The following NUP50 variants were observed in gnomAD, a reference collection of about 807,000 sequenced individuals.
The protein encoded by NUP50 is nucleoporin 50, also known as nuclear pore complex protein Nup50.
A neutral mutation model predicts 36.8 loss-of-function variants in NUP50; 14 were observed. The ratio of observed to expected loss-of-function variants is 0.38; its 90% CI spans 0.25 to 0.59. The LOEUF (loss-of-function observed/expected upper bound fraction) is 0.59. Ranked by LOEUF, NUP50 falls within the 20% of genes least tolerant of loss-of-function variation. The pLI, the probability that NUP50 is intolerant of heterozygous loss-of-function variation, is 0.63. For missense variants in NUP50, 455 were observed against 564.6 expected (o/e 0.81, Z 1.97); for synonymous variants, 195 against 210.8 (o/e 0.93, Z 0.65).
rs2083451368 is a variant in NUP50 at position 45,186,725 on chromosome 22, T to G, written c.*2070T>G. On this transcript the variant is annotated 3_prime_UTR_variant, in exon 8 of 8. Transcript: ENST00000347635. The stretch of plus-strand genomic sequence containing the variant: ...CCCAGCAAATTTTTGCTGCTAAGAC[T>G]ATCACTGTTAAAGTGAAAATTACAG... The G allele has an allele frequency of 6.6e-6, 1 of 152,644 alleles. No individual in the cohort carries two copies. Among genetic ancestry groups the G allele is most frequent in the Admixed American group, 6.5e-5 (1 of 15,278 alleles). The allele number at this position is 152,644 out of a possible 1,614,324, so 9.5% of individuals were successfully genotyped here. A position where few individuals can be genotyped will look rare whatever the true frequency, so the allele number is the denominator to read the frequency against.
chr22:45,171,460 G>A, intron 2 of NUP50, 140 bp from the exon 3 acceptor site: 1 of 768,994 alleles, frequency 1.3e-6, no homozygotes, highest in South Asian at 1.7e-5. Context: ...AGTATTATAG[G>A]CGCAAGCCAT....
At chr22:45,183,722 A>G in intron 7 of NUP50, 1 of 496,244 alleles carries the variant, frequency 2.0e-6, no homozygotes, top group Non-Finnish European at 3.6e-6. Flanking sequence ...TGTAAACAAA[A>G]TGATTTTTCA....
rs1204248424 is a variant in NUP50, at chr22:45,185,185, C to T, written c.*530C>T. The T allele has an allele frequency of 6.1e-6, 1 of 164,662 alleles. No individual in the cohort carries two copies. The highest frequency in any genetic ancestry group is 1.3e-5 in the Non-Finnish European group (1 of 74,904). 10.2% of individuals were successfully genotyped at this position (164,662 alleles called of 1,614,324 possible). ...TCTGCTTTATTTTTACTTTGAAGCT[C>T]AAATGCGAGTACTAAGTGTTCACCT... On this transcript the variant is annotated 3_prime_UTR_variant, in exon 8 of 8. Coordinates refer to ENST00000347635, the MANE Select transcript of NUP50 (RefSeq NM_007172.4).
chr22:45,171,802 G>A, intron 3 of NUP50, 119 bp downstream of exon 3: 1 of 808,024 alleles, frequency 1.2e-6, no homozygotes, highest in Non-Finnish European at 2.0e-6. Flanking sequence ...CTTATTCTTT[G>A]ATGTAGGTCA....
rs2074469446 is a variant in NUP50, at chr22:45,186,242, T to C, written c.*1587T>C. 2 of 150,592 alleles carry C rather than the reference T, an allele frequency of 1.3e-5. No individual in the cohort carries two copies. Among genetic ancestry groups the C allele is most frequent in the Admixed American group, 1.3e-4 (2 of 15,114 alleles). The allele number at this position is 150,592 out of a possible 1,614,324, so 9.3% of individuals were successfully genotyped here. A position where few individuals can be genotyped will look rare whatever the true frequency, so the allele number is the denominator to read the frequency against. ...AGAGGTGAGCTTGTCCTGTTACAGA[T>C]GCTGTCAGACATAGCGATAGTAGGC... On this transcript the variant is annotated 3_prime_UTR_variant, in exon 8 of 8. Transcript: ENST00000347635.
At chr22:45,166,327 A>T (rs1024606373) in intron 1 of NUP50, 1 of 132,122 alleles carries the variant, frequency 7.6e-6, no homozygotes, top group Non-Finnish European at 1.5e-5. Flanking sequence ...TTGCTCTGTC[A>T]CATAGGCTGG....
chr22:45,169,426 G>A (rs1911666910), intron 2 of NUP50, among the ~76,000 whole-genome samples: 1 of 152,142 alleles, frequency 6.6e-6, no homozygotes, highest in African/African-American at 2.4e-5. Context: ...GGATTACCCA[G>A]GTGCCGAGGC....
rs1310777473 is a variant in NUP50, at chr22:45,185,922, G to A, written c.*1267G>A. ...AGCTGATCTTGTGTACAGGCTCAGGGTCAGTGCCCAAGGGCTCCCGCGTGT... is the reference window on the plus strand; with the variant it reads ...AGCTGATCTTGTGTACAGGCTCAGGATCAGTGCCCAAGGGCTCCCGCGTGT... On this transcript the variant is annotated 3_prime_UTR_variant, in exon 8 of 8. Transcript: ENST00000347635. The A allele has an allele frequency of 1.3e-5, 2 of 152,256 alleles. No individual in the cohort carries two copies. The highest frequency in any genetic ancestry group is 1.3e-4 in the Admixed American group (2 of 15,284). 9.4% of individuals were successfully genotyped at this position (152,256 alleles called of 1,614,324 possible).
rs144800880 is a variant in NUP50, at chr22:45,176,391, G to A, written c.340+311G>A. On this transcript the variant is annotated intron_variant, in intron 4 of 7. Coordinates refer to ENST00000347635, the MANE Select transcript of NUP50 (RefSeq NM_007172.4). ...TGGCCCTCAGAATTGACCTAGAGTC[G>A]AGAGAGAAAAGAAAATGCTATGTAG... Among the ~76,000 whole-genome samples, 952 of 152,280 alleles carry A rather than the reference G, an allele frequency of 6.3e-3. 4 individuals carry two copies. Among genetic ancestry groups the A allele is most frequent in the Non-Finnish European group, 9.7e-3 (658 of 68,008 alleles).
chr22:45,182,875 C>T (rs570505583), intron 6 of NUP50, among the ~76,000 whole-genome samples: 18 of 151,876 alleles, frequency 1.2e-4, no homozygotes, highest in African/African-American at 4.1e-4. Flanking sequence ...CTGCCTGCCT[C>T]GGCCTCCCAA....
rs558597818 is a variant in NUP50 at position 45,172,872 on chromosome 22, C to A, written c.153+1189C>A. Among the ~76,000 whole-genome samples the A allele has an allele frequency of 1.5e-4, 23 of 152,224 alleles. 1 individual carries two copies. The South Asian group carries it at 4.6e-3, about 30-fold the overall frequency. On this transcript the variant is annotated intron_variant, in intron 3 of 7. Transcript: ENST00000347635. ...ATTCAAATTATAAAAATAAAGTATTCGCAATTTTCCTAAAATATATTACTG... is the reference window on the plus strand; with the variant it reads ...ATTCAAATTATAAAAATAAAGTATTAGCAATTTTCCTAAAATATATTACTG...
rs1418618593 is a variant in NUP50 at position 45,181,473 on chromosome 22, G to T, written c.1085+106G>T. ...ACTTGACTGAGCTTCCAGTCTCGGG[G>T]TCAAGCTTTGCCTGCTCTCAAGTGG... On this transcript the variant is annotated intron_variant, in intron 6 of 7. Transcript: ENST00000347635. The T allele has an allele frequency of 6.7e-6, 4 of 597,146 alleles. No homozygotes were observed. The Admixed American group carries it at 1.1e-4, about 17-fold the overall frequency. The allele number at this position is 597,146 out of a possible 1,614,324, so 37.0% of individuals were successfully genotyped here. A position where few individuals can be genotyped will look rare whatever the true frequency, so the allele number is the denominator to read the frequency against.
Position 45,178,326 on chromosome 22 carries a change from T to C in NUP50, c.429T>C (p.Ser143=), listed in dbSNP as rs764253584. 3.1e-6 allele frequency: 5 copies of C among 1,614,038 alleles called. No individual in the cohort carries two copies. Among genetic ancestry groups the C allele is most frequent in the Non-Finnish European group, 4.2e-6 (5 of 1,179,868 alleles). The change falls in exon 5 of 8, where the codon TCT becomes TCC. Residue 143 remains serine, a synonymous_variant. Transcript: ENST00000347635. The part of the protein sequence containing the change: ...TNGDSQQPSS[S]GLASSKACVG... The stretch of plus-strand genomic sequence containing the variant: ...GGGACAGTCAGCAGCCCTCCTCCTC[T>C]GGCCTTGCTTCCAGTAAAGCTTGTG...
At position 45,181,294 on chromosome 22, in the gene NUP50, G is replaced by C; in HGVS notation, c.1012G>C (p.Glu338Gln). 6.3e-7 allele frequency: 1 copy of C among 1,591,226 alleles called. No individual in the cohort carries two copies. Among genetic ancestry groups the C allele is most frequent in the Non-Finnish European group, 8.5e-7 (1 of 1,172,102 alleles). Residue 338 changes from glutamate to glutamine, a missense_variant, in exon 6 of 8, where the codon GAA becomes CAA. Coordinates refer to ENST00000347635, the MANE Select transcript of NUP50 (RefSeq NM_007172.4). ...GDSGECKGGD[E>Q]EENDEPPKVV... is the part of the protein sequence containing the mutation. ...TGTCATTTTTATAAAAGGTGGAGAT[G>C]AAGAAGAGAATGATGAGCCACCCAA...
chr22:45,183,703 G>A (rs774630842), intron 7 of NUP50, 183 bp downstream of exon 7: 5 of 533,452 alleles, frequency 9.4e-6, no homozygotes, highest in Non-Finnish European at 1.7e-5. Flanking sequence ...ACATAAATGT[G>A]TTAGAAGCTG....
At chr22:45,182,687 C>G (rs908121107) in intron 6 of NUP50, among the ~76,000 whole-genome samples, 1 of 127,320 alleles carries the variant, frequency 7.9e-6, no homozygotes, top group Non-Finnish European at 1.6e-5. Context: ...TGCAGTGGCA[C>G]AATCTCGGCT....
chr22:45,174,319 A>G (rs1470967112), intron 3 of NUP50, among the ~76,000 whole-genome samples: 1 of 152,018 alleles, frequency 6.6e-6, no homozygotes, highest in Admixed American at 6.6e-5. Flanking sequence ...CTGGGACTAC[A>G]GGCATGCGCC....
In NUP50 at chr22:45,179,025, A is replaced by T. The variant is rs2074324360; in HGVS notation, c.1003+125A>T. ...TGAGACGTTGTTCTCTCCATGTGTGATCTCAGACAGAGCTAATCAGCTTCT... is the reference window on the plus strand; with the variant it reads ...TGAGACGTTGTTCTCTCCATGTGTGTTCTCAGACAGAGCTAATCAGCTTCT... On this transcript the variant is annotated intron_variant, in intron 5 of 7. Coordinates refer to ENST00000347635, the MANE Select transcript of NUP50 (RefSeq NM_007172.4). The T allele has an allele frequency of 5.7e-6, 5 of 884,310 alleles. No homozygotes were observed. The Admixed American group carries it at 1.5e-4, about 27-fold the overall frequency. 54.8% of individuals were successfully genotyped at this position (884,310 alleles called of 1,614,324 possible).
chr22:45,169,499 A>G (rs534289352), intron 2 of NUP50, among the ~76,000 whole-genome samples: 23 of 152,364 alleles, frequency 1.5e-4, no homozygotes, highest in Admixed American at 5.9e-4. Flanking sequence ...AAGAATAGTC[A>G]TAATACAAAT....
Sources: gnomAD v4.1 joint callset for allele counts (sites outside exome capture counted in the v4.1 genomes callset) on GRCh38, gnomAD v4.1.1 for gene constraint, MANE v1.5 for transcripts, NCBI Gene and HGNC (gene_info 2026-07-23, HGNC 2026-07-21) for gene names.